TENM3: variants seen among roughly 807,000 people sequenced by gnomAD.
TENM3 encodes teneurin transmembrane protein 3.
Under a neutral mutation model 255.1 loss-of-function variants are expected in TENM3, and 63 were observed. That is an observed-to-expected ratio of 0.25 (90% CI 0.20 to 0.30). The LOEUF is 0.30. TENM3 is among the 10% of genes least tolerant of loss of function. The pLI, the probability that TENM3 is intolerant of heterozygous loss-of-function variation, is 1.00. For synonymous variants in TENM3, 1,306 were observed against 1,322.3 expected (o/e 0.99, Z 0.27); for missense variants, 2,929 against 3,461.1 (o/e 0.85, Z 3.86).
chr4:182,322,680 G>C (rs892203169), intron 1 of TENM3, among the ~76,000 whole-genome samples: 1 of 152,200 alleles, frequency 6.6e-6, no homozygotes, highest in Admixed American at 6.5e-5. Context: ...GTGCATGCTC[G>C]AGAGAGTGGG....
upstream of TENM3, chr4:182,143,442 G>A (rs1749621755): frequency 1.2e-5 from 2 of 166,956 alleles, no homozygotes; most frequent in Non-Finnish European, 1.5e-5. The surrounding 1 kb of genome is among the most constrained non-coding windows in gnomAD (Gnocchi z 4.3). Flanking sequence ...GCCTACCGGG[G>A]GTGGAAATCC....
chr4:181,707,495 C>T, the TENM3 span, among the ~76,000 whole-genome samples: 7 of 152,318 alleles, frequency 4.6e-5, no homozygotes, highest in South Asian at 4.1e-4. Flanking sequence ...CTGTCCCTTT[C>T]TGGATCTTGG....
At chr4:181,727,021 G>A in the TENM3 span, among the ~76,000 whole-genome samples, 11 of 152,152 alleles carry the variant, frequency 7.2e-5, no homozygotes, top group African/African-American at 1.4e-4. Context: ...GGGGAGGGAC[G>A]TCACCCTCCA....
chr4:181,783,407 A>G, the TENM3 span, among the ~76,000 whole-genome samples: 1 of 152,078 alleles, frequency 6.6e-6, no homozygotes, highest in Non-Finnish European at 1.5e-5. Flanking sequence ...AATTCTGGTG[A>G]CAATACCTCA....
At chr4:182,068,662 C>T in the TENM3 span, among the ~76,000 whole-genome samples, 1 of 152,132 alleles carries the variant, frequency 6.6e-6, no homozygotes, top group African/African-American at 2.4e-5. Context: ...ATGAACCTTT[C>T]CTTTTTATTG....
At chr4:182,029,520 G>A in the TENM3 span, among the ~76,000 whole-genome samples, 1 of 151,852 alleles carries the variant, frequency 6.6e-6, no homozygotes, top group African/African-American at 2.4e-5. Context: ...ATCCAACGTT[G>A]GGTGCATATA....
chr4:182,215,536 G>GA (rs967488229), intron 1 of TENM3, among the ~76,000 whole-genome samples: 3 of 152,082 alleles, frequency 2.0e-5, no homozygotes, highest in African/African-American at 7.2e-5. Context: ...AAAATGTACT[G>GA]AAAAAATCCT....
chr4:182,581,694 G>T (rs1239110305), intron 3 of TENM3, among the ~76,000 whole-genome samples: 1 of 151,842 alleles, frequency 6.6e-6, no homozygotes, highest in Non-Finnish European at 1.5e-5. Flanking sequence ...CCAAGATTGC[G>T]CCATTACACT....
At chr4:181,595,028 A>G in the TENM3 span, among the ~76,000 whole-genome samples, 1 of 152,046 alleles carries the variant, frequency 6.6e-6, no homozygotes, top group Non-Finnish European at 1.5e-5. Context: ...AGCCCAAGCC[A>G]TTATATTCTC....
intron 3 of TENM3, among the ~76,000 whole-genome samples, chr4:182,562,180 A>T (rs926120796): frequency 1.1e-4 from 17 of 152,232 alleles, no homozygotes; most frequent in East Asian, 1.9e-4. Flanking sequence ...TATAAGAAAC[A>T]TAAACATCTA....
At chr4:182,180,259 C>T (rs1015475894) in intron 1 of TENM3, among the ~76,000 whole-genome samples, 8 of 152,066 alleles carry the variant, frequency 5.3e-5, no homozygotes, top group Non-Finnish European at 1.0e-4. Flanking sequence ...CACCAAATGA[C>T]TTGAACTGGA....
intron 24 of TENM3, among the ~76,000 whole-genome samples, chr4:182,782,622 G>C (rs1316677493): frequency 2.4e-5 from 1 of 40,934 alleles, no homozygotes. Context: ...TTGACTTTCT[G>C]TCTCGTTGAT....
At chr4:182,012,478 C>T in the TENM3 span, among the ~76,000 whole-genome samples, 8 of 152,158 alleles carry the variant, frequency 5.3e-5, no homozygotes, top group Admixed American at 2.0e-4. Flanking sequence ...GTAAAGAACG[C>T]CGGAATTGTC....
intron 3 of TENM3, among the ~76,000 whole-genome samples, chr4:182,590,382 A>G (rs73006922): frequency 0.057 from 8,685 of 151,750 alleles, 621 homozygotes; most frequent in East Asian, 0.16. Flanking sequence ...TCACGCCTGT[A>G]ACCCCAGCAC....
At chr4:182,619,338 G>A (rs577322412) in intron 4 of TENM3, among the ~76,000 whole-genome samples, 2 of 152,170 alleles carry the variant, frequency 1.3e-5, no homozygotes, top group East Asian at 3.9e-4. Context: ...GGCTGAGGCA[G>A]GAAAATCGCT....
chr4:181,451,568 A>T, the TENM3 span, among the ~76,000 whole-genome samples: 10 of 152,254 alleles, frequency 6.6e-5, no homozygotes, highest in East Asian at 1.9e-3. Context: ...GGAAGAAGAA[A>T]AGAGTGAAGG....
rs180917231 is a variant in TENM3, at chr4:182,359,993, A to T, written c.511+13064A>T. Among the ~76,000 whole-genome samples the T allele has an allele frequency of 3.9e-5, 6 of 152,314 alleles. No homozygotes were observed. In the East Asian group the frequency reaches 1.2e-3, roughly 29 times the overall value. ...TTCGTTATGTACCCAATAGTCATTC[A>T]GGAGCAAGTTGTTCAGTTTCCATGG... is the stretch of plus-strand genomic sequence containing the variant. On this transcript the variant is annotated intron_variant, in intron 3 of 27. Transcript: ENST00000511685.
At chr4:181,883,612 C>T in the TENM3 span, among the ~76,000 whole-genome samples, 11 of 151,968 alleles carry the variant, frequency 7.2e-5, no homozygotes, top group Non-Finnish European at 1.2e-4. Flanking sequence ...GTAGCTGGGA[C>T]TACAGGCGCC....
the TENM3 span, among the ~76,000 whole-genome samples, chr4:181,625,937 AG>A: frequency 1.2e-4 from 19 of 152,304 alleles, no homozygotes; most frequent in African/African-American, 3.4e-4. Flanking sequence ...CACCCATTTC[AG>A]GGATTTTTAC....
Sources: allele counts gnomAD v4.1 joint callset (sites outside exome capture counted in the v4.1 genomes callset), GRCh38; gene constraint gnomAD v4.1.1; non-coding constraint Gnocchi (gnomAD v3.1); transcripts MANE v1.5; gene names NCBI Gene and HGNC (gene_info 2026-07-23, HGNC 2026-07-21).